PLCE1: variants seen among roughly 807,000 people sequenced by gnomAD.
The protein encoded by PLCE1 is phospholipase C epsilon 1.
A neutral mutation model predicts 242.8 loss-of-function variants in PLCE1; 119 were observed. That is an observed-to-expected ratio of 0.49 (90% CI 0.42 to 0.57). PLCE1 has a LOEUF of 0.57. PLCE1 is among the 20% of genes least tolerant of loss of function. The pLI is 0.00. For synonymous variants in PLCE1, 945 were observed against 1,017.4 expected (o/e 0.93, Z 1.35); for missense variants, 2,441 against 2,788.8 (o/e 0.88, Z 2.81).
intron 27 of PLCE1, among the ~76,000 whole-genome samples, chr10:94,310,576 A>G (rs542681618): frequency 6.6e-5 from 10 of 152,232 alleles, no homozygotes; most frequent in African/African-American, 2.2e-4. Context: ...TGTGCAGAGG[A>G]TTGACAAGCA....
intron 14 of PLCE1, among the ~76,000 whole-genome samples, chr10:94,264,503 C>A (rs1006710911): frequency 4.4e-5 from 6 of 137,162 alleles, no homozygotes; most frequent in East Asian, 2.3e-4. Flanking sequence ...AGGGGAGTAA[C>A]ATGATTTGAT....
intron 2 of PLCE1, among the ~76,000 whole-genome samples, chr10:94,067,192 A>T (rs1170193589): frequency 6.6e-6 from 1 of 152,122 alleles, no homozygotes; most frequent in African/African-American, 2.4e-5. Context: ...GATCTTCCTA[A>T]CATACTGGTT....
At chr10:94,000,062 G>T (rs1429659944) in intron 1 of PLCE1, among the ~76,000 whole-genome samples, 1 of 152,178 alleles carries the variant, frequency 6.6e-6, no homozygotes, top group African/African-American at 2.4e-5. Flanking sequence ...GGGTGAGGGA[G>T]ATGCTGAGGA....
chr10:94,286,428 AAGCCC>A (rs2052450298), intron 22 of PLCE1, among the ~76,000 whole-genome samples: 1 of 152,158 alleles, frequency 6.6e-6, no homozygotes, highest in Non-Finnish European at 1.5e-5. Flanking sequence ...CTAGGAGTTC[AAGCCC>A]AGCCTGGGCA....
chr10:94,010,058 C>T (rs1313942060), intron 1 of PLCE1, among the ~76,000 whole-genome samples: 1 of 152,242 alleles, frequency 6.6e-6, no homozygotes, highest in African/African-American at 2.4e-5. Context: ...GGCTCTCCCT[C>T]CATGGCAGGC....
At chr10:94,145,266 A>T (rs546223253) in intron 3 of PLCE1, among the ~76,000 whole-genome samples, 6 of 152,348 alleles carry the variant, frequency 3.9e-5, no homozygotes, top group African/African-American at 1.4e-4. Context: ...AGTAATGGCT[A>T]CTAACCCAGC....
intron 3 of PLCE1, among the ~76,000 whole-genome samples, chr10:94,161,956 G>A (rs1292857004): frequency 5.3e-5 from 8 of 152,106 alleles, no homozygotes; most frequent in South Asian, 2.1e-4. Context: ...GCTGGATTAC[G>A]TTTATTGATT....
chr10:94,103,132 C>G (rs2045599597), intron 2 of PLCE1, among the ~76,000 whole-genome samples: 1 of 152,318 alleles, frequency 6.6e-6, no homozygotes, highest in East Asian at 1.9e-4. Flanking sequence ...TATGAATCTA[C>G]TGTTTATTAG....
intron 2 of PLCE1, among the ~76,000 whole-genome samples, chr10:94,076,301 T>C (rs940876558): frequency 6.6e-6 from 1 of 152,174 alleles, no homozygotes; most frequent in African/African-American, 2.4e-5. Flanking sequence ...ATTCCTGGCT[T>C]AGAGTAAAGA....
Position 94,306,739 on chromosome 10 carries a change from T to C in PLCE1, c.5884+51T>C. 2.2e-6 allele frequency: 3 copies of C among 1,370,128 alleles called. No homozygotes were observed. The Admixed American group carries it at 5.6e-5, about 26-fold the overall frequency. The allele number at this position is 1,370,128 out of a possible 1,614,324, so 84.9% of individuals were successfully genotyped here. A position where few individuals can be genotyped will look rare whatever the true frequency, so the allele number is the denominator to read the frequency against. ...ATAATTGTTGTAGCTAGGTGATGGA[T>C]GCCAGAATTTCCTTATACTCTTCTC... On this transcript the variant is annotated intron_variant, in intron 26 of 32. Transcript: ENST00000371380. The surrounding 1 kb of genome is among the most constrained non-coding windows in gnomAD (Gnocchi z 5.7).
intron 3 of PLCE1, among the ~76,000 whole-genome samples, chr10:94,144,885 C>A (rs1417645408): frequency 2.0e-5 from 3 of 152,082 alleles, no homozygotes; most frequent in South Asian, 2.1e-4. Context: ...TAAAGTGTTA[C>A]CTAATTTAAG....
intron 22 of PLCE1, among the ~76,000 whole-genome samples, chr10:94,290,793 C>T (rs539202241): frequency 6.6e-6 from 1 of 151,356 alleles, no homozygotes; most frequent in Admixed American, 6.6e-5. Flanking sequence ...ATATATAAAC[C>T]AGTAACATAT....
At chr10:94,182,285 T>C (rs1287700288) in intron 4 of PLCE1, among the ~76,000 whole-genome samples, 2 of 152,062 alleles carry the variant, frequency 1.3e-5, no homozygotes, top group Non-Finnish European at 2.9e-5. Flanking sequence ...ATTTTATTTT[T>C]TGAGACAGAG....
intron 2 of PLCE1, among the ~76,000 whole-genome samples, chr10:94,123,366 C>G (rs1386988357): frequency 6.6e-6 from 1 of 152,194 alleles, no homozygotes; most frequent in Non-Finnish European, 1.5e-5. Flanking sequence ...GCCTCTGGCA[C>G]AGTTCTGGTT....
At chr10:94,098,608 A>G (rs946188658) in intron 2 of PLCE1, among the ~76,000 whole-genome samples, 5 of 152,220 alleles carry the variant, frequency 3.3e-5, no homozygotes, top group African/African-American at 1.2e-4. Flanking sequence ...AGGTCCAAAT[A>G]TTACATTTGA....
chr10:94,054,794 C>T (rs1397281812), intron 2 of PLCE1, among the ~76,000 whole-genome samples: 3 of 151,986 alleles, frequency 2.0e-5, no homozygotes, highest in African/African-American at 2.4e-5. Context: ...AGGCGGATCA[C>T]GAGGTCAGGA....
At chr10:94,011,586 G>T (rs2061168741) in intron 1 of PLCE1, among the ~76,000 whole-genome samples, 1 of 152,174 alleles carries the variant, frequency 6.6e-6, no homozygotes, top group African/African-American at 2.4e-5. Flanking sequence ...AGTGAGATAA[G>T]GATTTTCACC....
intron 11 of PLCE1, among the ~76,000 whole-genome samples, chr10:94,256,338 A>AAAAAAAAGAAAGAAAGAAAG (rs2051098252): frequency 7.1e-6 from 1 of 140,440 alleles, no homozygotes; most frequent in African/African-American, 2.8e-5. Context: ...AAAAAAAAAA[A>AAAAAAAAGAAAGAAAGAAAG]AAAGAAAGAA....
chr10:94,268,586 C>G (rs2051597382), intron 16 of PLCE1, among the ~76,000 whole-genome samples: 2 of 152,154 alleles, frequency 1.3e-5, no homozygotes, highest in African/African-American at 4.8e-5. Flanking sequence ...TGATGTCTAC[C>G]CAGATAGAGA....
Sources: allele counts gnomAD v4.1 joint callset (sites outside exome capture counted in the v4.1 genomes callset), GRCh38; gene constraint gnomAD v4.1.1; non-coding constraint Gnocchi (gnomAD v3.1); transcripts MANE v1.5; gene names NCBI Gene and HGNC (gene_info 2026-07-23, HGNC 2026-07-21).